PCDHA7: variants seen among roughly 807,000 people sequenced by gnomAD.
The protein encoded by PCDHA7 is protocadherin alpha 7.
In PCDHA7, 37 loss-of-function variants were observed where a neutral mutation model predicts 57.2. That is an observed-to-expected ratio of 0.65 (90% CI 0.50 to 0.85). The LOEUF (loss-of-function observed/expected upper bound fraction) is 0.85, where lower values mean the gene tolerates loss of function less well. PCDHA7 is among the 40% of genes least tolerant of loss of function. PCDHA7 has a pLI of 0.00. For synonymous variants in PCDHA7, 553 were observed against 558.8 expected (o/e 0.99, Z 0.15); for missense variants, 1,188 against 1,241.8 (o/e 0.96, Z 0.65).
At chr5:140,917,326 G>GT (rs1425389614) in intron 1 of PCDHA7, among the ~76,000 whole-genome samples, 1 of 149,490 alleles carries the variant, frequency 6.7e-6, no homozygotes, top group Non-Finnish European at 1.5e-5. Flanking sequence ...TCATGTGGCG[G>GT]GGGAGGGGGG....
intron 1 of PCDHA7, chr5:140,882,955 C>T: frequency 6.2e-7 from 1 of 1,614,178 alleles, no homozygotes; most frequent in East Asian, 2.2e-5. Context: ...TTCAGCTGCT[C>T]ATCACGATTC....
At chr5:141,004,391 G>A (rs62384511) in intron 3 of PCDHA7, among the ~76,000 whole-genome samples, 4 of 152,342 alleles carry the variant, frequency 2.6e-5, no homozygotes, top group East Asian at 3.9e-4. Flanking sequence ...AGCTGGACAT[G>A]TGGAGGAGGC....
intron 1 of PCDHA7, chr5:140,848,229 G>T: frequency 2.5e-6 from 1 of 402,640 alleles, no homozygotes; most frequent in South Asian, 5.0e-5. Flanking sequence ...TTAAGAAAAT[G>T]AAATAAGTTT....
intron 1 of PCDHA7, among the ~76,000 whole-genome samples, chr5:140,885,818 G>C (rs2060726718): frequency 6.6e-6 from 1 of 151,914 alleles, no homozygotes; most frequent in African/African-American, 2.4e-5. Flanking sequence ...ATTTGTATTT[G>C]ATCTTCTTTG....
At chr5:140,967,792 A>C (rs371669028) in intron 1 of PCDHA7, 5 of 1,614,212 alleles carry the variant, frequency 3.1e-6, no homozygotes, top group Non-Finnish European at 4.2e-6. Flanking sequence ...ACCGGGGTCC[A>C]GTGCCCATGG....
intron 1 of PCDHA7, among the ~76,000 whole-genome samples, chr5:140,840,700 CA>C (rs1776825723): frequency 6.6e-6 from 1 of 151,868 alleles, no homozygotes; most frequent in African/African-American, 2.4e-5. Context: ...ACGGTTCAGG[CA>C]ATTTGACATT....
rs561529051 is a variant in PCDHA7 at position 140,929,034 on chromosome 5, C to G, written c.2356-49915C>G. On this transcript the variant is annotated intron_variant, in intron 1 of 3. Transcript: ENST00000525929. ...AGTTGCACCAGAGCCCAGGCTGTTGCGCTCAGAGCTGCTGTCGCTCTACAG... is the reference window on the plus strand; with the variant it reads ...AGTTGCACCAGAGCCCAGGCTGTTGGGCTCAGAGCTGCTGTCGCTCTACAG... 2.8e-5 allele frequency: 46 copies of G among 1,614,040 alleles called. No homozygotes were observed. The South Asian group carries it at 4.8e-4, about 17-fold the overall frequency.
chr5:140,862,472 T>C (rs577275887), intron 1 of PCDHA7: 357 of 374,932 alleles, frequency 9.5e-4, no homozygotes, highest in Non-Finnish European at 1.4e-3. Context: ...AGAGCAAATC[T>C]ATCCATTGTT....
chr5:140,857,560 G>C, intron 1 of PCDHA7: 1 of 1,596,914 alleles, frequency 6.3e-7, no homozygotes, highest in Non-Finnish European at 8.6e-7. Flanking sequence ...GCTCGCTGTC[G>C]AGCTACGTGT....
rs1554169418 is a variant in PCDHA7 at position 140,877,179 on chromosome 5, G to C, written c.2355+40441G>C. 3 of 1,613,712 alleles carry C rather than the reference G, an allele frequency of 1.9e-6. No individual in the cohort carries two copies. The South Asian group carries it at 3.3e-5, about 18-fold the overall frequency. ...ACGCGCCGGCACTGCTGGCGACTCCGGCTGGCAGCGCAGGAGGCGCAGTTA... is the reference window on the plus strand; with the variant it reads ...ACGCGCCGGCACTGCTGGCGACTCCCGCTGGCAGCGCAGGAGGCGCAGTTA... On this transcript the variant is annotated intron_variant, in intron 1 of 3. Coordinates refer to ENST00000525929, the MANE Select transcript of PCDHA7 (RefSeq NM_018910.3).
rs782497691 is a variant in PCDHA7 at position 140,856,769 on chromosome 5, T to C, written c.2355+20031T>C. On this transcript the variant is annotated intron_variant, in intron 1 of 3. Transcript: ENST00000525929. ...AGATGCCAATGATAACGCCCCTATC[T>C]TTGACAGACCGGTTTATGAAGTTAA... is the stretch of plus-strand genomic sequence containing the variant. 1.8e-5 allele frequency: 28 copies of C among 1,596,572 alleles called. 4 individuals carry two copies. The highest frequency in any genetic ancestry group is 2.4e-5 in the Non-Finnish European group (28 of 1,166,742).
intron 1 of PCDHA7, among the ~76,000 whole-genome samples, chr5:140,937,679 G>A (rs1357548421): frequency 5.9e-5 from 9 of 151,884 alleles, no homozygotes; most frequent in African/African-American, 1.9e-4. Context: ...TTGGGAGGCT[G>A]AGGCAGGCGG....
At chr5:140,944,378 A>G (rs1204116678) in intron 1 of PCDHA7, among the ~76,000 whole-genome samples, 1 of 151,884 alleles carries the variant, frequency 6.6e-6, no homozygotes, top group Admixed American at 6.6e-5. Flanking sequence ...ATAGAGATGG[A>G]GTCTCACTGT....
At chr5:140,927,226 A>T in intron 1 of PCDHA7, 5 of 1,613,996 alleles carry the variant, frequency 3.1e-6, no homozygotes, top group Non-Finnish European at 4.2e-6. Context: ...CAAGATTCGG[A>T]TTCACGTCCT....
Position 140,846,720 on chromosome 5 carries a change from C to A in PCDHA7, c.2355+9982C>A, listed in dbSNP as rs1311468002. 2.7e-5 allele frequency among the ~76,000 whole-genome samples: 4 copies of A among 149,248 alleles called. 1 individual carries two copies. The highest frequency in any genetic ancestry group is 9.8e-5 in the African/African-American group (4 of 40,682). ...AGAGAAGATTGTAATAACCAGTCTT[C>A]ATTAAACATTAAATAGGACCCTTAC... is the stretch of plus-strand genomic sequence containing the variant. On this transcript the variant is annotated intron_variant, in intron 1 of 3. Transcript: ENST00000525929.
intron 1 of PCDHA7, among the ~76,000 whole-genome samples, chr5:140,959,126 G>A (rs1417334893): frequency 6.6e-6 from 1 of 152,066 alleles, no homozygotes; most frequent in Non-Finnish European, 1.5e-5. Context: ...GGCGAGGTGA[G>A]CCCACTTTGG....
intron 1 of PCDHA7, chr5:140,883,877 G>A: frequency 1.2e-6 from 2 of 1,613,254 alleles, no homozygotes; most frequent in Non-Finnish European, 1.7e-6. Flanking sequence ...CCAGGTGAGC[G>A]CGCGCGACTC....
chr5:140,975,679 A>G (rs1312259048), intron 1 of PCDHA7, among the ~76,000 whole-genome samples: 1 of 152,250 alleles, frequency 6.6e-6, no homozygotes, highest in Non-Finnish European at 1.5e-5. Context: ...TATTAATAAA[A>G]TAGGGTATTT....
chr5:140,901,690 T>C (rs566618023), intron 1 of PCDHA7, among the ~76,000 whole-genome samples: 22 of 152,340 alleles, frequency 1.4e-4, no homozygotes, highest in African/African-American at 5.3e-4. Flanking sequence ...ATGGGTATTT[T>C]GTAGTTCTAT....
Sources: gnomAD v4.1 joint callset for allele counts (sites outside exome capture counted in the v4.1 genomes callset) on GRCh38, gnomAD v4.1.1 for gene constraint, MANE v1.5 for transcripts, NCBI Gene and HGNC (gene_info 2026-07-23, HGNC 2026-07-21) for gene names.